The following PLEKHA6 variants were observed in gnomAD, a reference collection of about 807,000 sequenced individuals.
The protein encoded by PLEKHA6 is pleckstrin homology domain-containing family A member 6.
PLEKHA6 carries 60 observed loss-of-function variants against 116.7 expected under a neutral mutation model. That is an observed-to-expected ratio of 0.51 (90% CI 0.42 to 0.64). PLEKHA6 has a LOEUF of 0.64. Among genes scored for constraint, PLEKHA6 ranks in the 30% least tolerant of loss-of-function variants. The probability of loss-of-function intolerance (pLI) is 0.00; values close to 1 mark genes in which losing one functional copy is unlikely to be tolerated. For missense variants in PLEKHA6, 1,338 were observed against 1,422.7 expected (o/e 0.94, Z 0.96); for synonymous variants, 489 against 556.1 (o/e 0.88, Z 1.70).
intron 1 of PLEKHA6, among the ~76,000 whole-genome samples, chr1:204,377,239 C>T (rs1051525278): frequency 2.6e-5 from 4 of 152,190 alleles, no homozygotes; most frequent in Non-Finnish European, 5.9e-5. Context: ...CTACCTCTGG[C>T]CCTTTCAGGG....
chr1:204,244,828 TC>T, intron 15 of PLEKHA6, 35 bp downstream of exon 15: 2 of 1,488,344 alleles, frequency 1.3e-6, no homozygotes, highest in Admixed American at 2.2e-5. Flanking sequence ...TGGTCCTCCC[TC>T]CCCCACCTAC....
chr1:204,369,777 A>T (rs1050449572), intron 2 of PLEKHA6: 3 of 152,224 alleles, frequency 2.0e-5, no homozygotes, highest in African/African-American at 7.2e-5. Flanking sequence ...ACTCCTACCT[A>T]GGATGATAAT....
intron 9 of PLEKHA6, among the ~76,000 whole-genome samples, chr1:204,254,887 A>G (rs1406279378): frequency 6.6e-6 from 1 of 152,150 alleles, no homozygotes; most frequent in African/African-American, 2.4e-5. Context: ...TACCCAGCAT[A>G]TTGACCCCCA....
intron 9 of PLEKHA6, chr1:204,255,566 G>A (rs1665164265): frequency 1.4e-6 from 1 of 699,488 alleles, no homozygotes; most frequent in Non-Finnish European, 2.6e-6. Context: ...AGGTGGGGAG[G>A]AGTGGAGAGA....
intron 11 of PLEKHA6, 83 bp from the exon 12 acceptor site, chr1:204,249,053 G>A (rs1293394086): frequency 6.6e-7 from 1 of 1,526,014 alleles, no homozygotes; most frequent in Non-Finnish European, 9.0e-7. Context: ...GCCCTTAGAG[G>A]TTCAACAGGC....
intron 9 of PLEKHA6, chr1:204,255,749 T>TA (rs369672416): frequency 1.4e-6 from 1 of 694,406 alleles, no homozygotes. Context: ...AAGAAAACAA[T>TA]AAAAAAAGAA....
chr1:204,290,582 G>GA (rs1669643889), intron 1 of PLEKHA6, among the ~76,000 whole-genome samples: 2 of 152,140 alleles, frequency 1.3e-5, no homozygotes, highest in Admixed American at 1.3e-4. Context: ...AAACACAGGA[G>GA]AAAATCTTAG....
rs1384796979 is a variant in PLEKHA6 at position 204,219,051 on chromosome 1, G to A, written c.*3737C>T. ...TTGGCTAGAAAGATGCTAAGGGGAT[G>A]CTACAGCTGTTTGTCCCCTGACAGA... On this transcript the variant is annotated 3_prime_UTR_variant, in exon 23 of 23. Coordinates refer to ENST00000272203, the MANE Select transcript of PLEKHA6 (RefSeq NM_014935.5). 6.6e-6 allele frequency: 1 copy of A among 152,540 alleles called. No individual in the cohort carries two copies. The highest frequency in any genetic ancestry group is 1.5e-5 in the Non-Finnish European group (1 of 68,024). 9.4% of individuals were successfully genotyped at this position (152,540 alleles called of 1,614,324 possible).
At chr1:204,245,442 T>C (rs991182882) in intron 14 of PLEKHA6, among the ~76,000 whole-genome samples, 173 bp downstream of exon 14, 2 of 151,820 alleles carry the variant, frequency 1.3e-5, no homozygotes, top group African/African-American at 4.8e-5. Context: ...CTGTGGGGGG[T>C]AAGGGACCCC....
chr1:204,254,325 C>G (rs960259444), intron 9 of PLEKHA6, among the ~76,000 whole-genome samples: 3 of 152,230 alleles, frequency 2.0e-5, no homozygotes, highest in Non-Finnish European at 4.4e-5. Context: ...TTGGTGCTTC[C>G]TAGTGCCTGA....
intron 1 of PLEKHA6, among the ~76,000 whole-genome samples, chr1:204,339,287 G>T (rs1413766207): frequency 6.6e-6 from 1 of 152,190 alleles, no homozygotes; most frequent in African/African-American, 2.4e-5. Flanking sequence ...CCAAGCAAGG[G>T]CTACCCCTCC....
chr1:204,276,454 T>C (rs1455787250), intron 1 of PLEKHA6, among the ~76,000 whole-genome samples: 4 of 152,154 alleles, frequency 2.6e-5, no homozygotes, highest in Admixed American at 1.3e-4. Flanking sequence ...CCTAAATCTG[T>C]CCCATCTGGT....
At chr1:204,268,590 T>G in intron 3 of PLEKHA6, among the ~76,000 whole-genome samples, 1 of 151,898 alleles carries the variant, frequency 6.6e-6, no homozygotes, top group African/African-American at 2.4e-5. Context: ...TTTTTTTTTT[T>G]TTTGGAGGTG....
At chr1:204,267,864 C>T (rs1347735020) in intron 4 of PLEKHA6, among the ~76,000 whole-genome samples, 5 of 152,190 alleles carry the variant, frequency 3.3e-5, no homozygotes, top group Admixed American at 2.0e-4. Context: ...ATCGGTGGAC[C>T]CTAGACTAGC....
At chr1:204,335,856 T>TGGGGTC (rs1351785313) in intron 1 of PLEKHA6, among the ~76,000 whole-genome samples, 2 of 152,164 alleles carry the variant, frequency 1.3e-5, no homozygotes, top group Non-Finnish European at 2.9e-5. Context: ...CCCCATAGCT[T>TGGGGTC]TGGCTCTGCC....
chr1:204,359,792 C>T lies in PLEKHA6; in HGVS notation c.-193G>A, dbSNP rs942613867. The T allele has an allele frequency of 4.7e-5, 33 of 702,110 alleles. No homozygotes were observed. The highest frequency in any genetic ancestry group is 6.9e-4 in the Middle Eastern group (1 of 1,452). 43.5% of individuals were successfully genotyped at this position (702,110 alleles called of 1,614,324 possible). A position where few individuals can be genotyped will look rare whatever the true frequency, so the allele number is the denominator to read the frequency against. ...CAGGCCAGCTGGGGTCCTCCTCCCC[C>T]GCCCCTGGGGCCCCCTTCTGCAGAG... On this transcript the variant is annotated 5_prime_UTR_variant, in exon 1 of 23. Coordinates refer to ENST00000272203, the MANE Select transcript of PLEKHA6 (RefSeq NM_014935.5).
In PLEKHA6 at chr1:204,259,520, G is replaced by A. The variant is rs370570202; in HGVS notation, c.745C>T (p.Pro249Ser). Residue 249 changes from proline (P) to serine (S), a missense_variant, in exon 8 of 23, where the codon CCG (proline) becomes TCG (serine). Physicochemically the swap from Pro to Ser is moderately conservative, Grantham distance 74. Coordinates refer to ENST00000272203, the MANE Select transcript of PLEKHA6 (RefSeq NM_014935.5). The surrounding 1 kb of genome is among the most constrained non-coding windows in gnomAD (Gnocchi z 4.6). ...LPAGPEPASEPGSPYPEGPRV... is the reference protein window; with the variant it reads ...LPAGPEPASESGSPYPEGPRV... ...GGGCCCTCGGGGTAAGGGCTGCCCGGCTCTGAGGCTGGCTCCGGTCCAGCT... is the reference window on the plus strand; with the variant it reads ...GGGCCCTCGGGGTAAGGGCTGCCCGACTCTGAGGCTGGCTCCGGTCCAGCT... The A allele has an allele frequency of 1.9e-6, 3 of 1,613,966 alleles. No individual in the cohort carries two copies. Among genetic ancestry groups the A allele is most frequent in the African/African-American group, 2.7e-5 (2 of 74,950 alleles).
In PLEKHA6 at chr1:204,257,408, T is replaced by A. The variant is rs1319048035; in HGVS notation, c.1469A>T (p.Asp490Val). Residue 490 changes from aspartate to valine, a missense_variant, in exon 9 of 23, where the codon GAC becomes GTC. This residue lies in a region of PLEKHA6 where 1,136 missense variants were observed against 1,163.6 expected (regional missense o/e 0.98). Coordinates refer to ENST00000272203, the MANE Select transcript of PLEKHA6 (RefSeq NM_014935.5). The surrounding 1 kb of genome is among the most constrained non-coding windows in gnomAD (Gnocchi z 6.5). ...RFERLPPRSE[D>V]IYADPAAYVM... Reference sequence around the variant, plus strand: ...ATAGGCAGCAGGGTCAGCATAGATGTCCTCACTGCGAGGTGGCAGCCGCTC... The same window carrying A: ...ATAGGCAGCAGGGTCAGCATAGATGACCTCACTGCGAGGTGGCAGCCGCTC... The A allele has an allele frequency of 6.4e-7, 1 of 1,564,082 alleles. No individual in the cohort carries two copies. The highest frequency in any genetic ancestry group is 1.2e-5 in the South Asian group (1 of 84,954).
In PLEKHA6 at chr1:204,241,329, G is replaced by C. The variant is rs765338399; in HGVS notation, c.2409+46C>G. 4.1e-6 allele frequency: 5 copies of C among 1,227,626 alleles called. No homozygotes were observed. The East Asian group carries it at 1.2e-4, about 29-fold the overall frequency. 76.0% of individuals were successfully genotyped at this position (1,227,626 alleles called of 1,614,324 possible). ...AGTAGGTACACACACAGGCCCCTGG[G>C]CTCGCAGCCCAGCTCAGGCCTGCAT... On this transcript the variant is annotated intron_variant, in intron 17 of 22. Coordinates refer to ENST00000272203, the MANE Select transcript of PLEKHA6 (RefSeq NM_014935.5).
Sources: allele counts gnomAD v4.1 joint callset (sites outside exome capture counted in the v4.1 genomes callset), GRCh38; gene constraint gnomAD v4.1.1; regional missense constraint gnomAD v4.1.1; non-coding constraint Gnocchi (gnomAD v3.1); transcripts MANE v1.5; gene names NCBI Gene and HGNC (gene_info 2026-07-23, HGNC 2026-07-21).